Variants in CCDC181 observed in about 807,000 individuals in gnomAD.
The protein encoded by CCDC181 is coiled-coil domain-containing protein 181.
Under a neutral mutation model 58.7 loss-of-function variants are expected in CCDC181, and 35 were observed. That is an observed-to-expected ratio of 0.60 (90% CI 0.46 to 0.79). The LOEUF (loss-of-function observed/expected upper bound fraction) is 0.79. Ranked by LOEUF, CCDC181 falls within the 30% of genes least tolerant of loss-of-function variation. The probability of loss-of-function intolerance (pLI) is 0.00; values close to 1 mark genes in which losing one functional copy is unlikely to be tolerated. For synonymous variants in CCDC181, 183 were observed against 197.5 expected, an observed-to-expected ratio of 0.93 and a Z score of 0.62; for missense variants, 517 against 583.9, an observed-to-expected ratio of 0.89 and a Z score of 1.18.
intron 1 of CCDC181, among the ~76,000 whole-genome samples, chr1:169,425,516 A>T (rs1656677051): frequency 6.6e-6 from 1 of 152,154 alleles, no homozygotes; most frequent in South Asian, 2.1e-4. Context: ...AATAATTTCT[A>T]AATCAGGTTG....
intron 4 of CCDC181, among the ~76,000 whole-genome samples, chr1:169,415,263 T>G (rs1420081656): frequency 6.6e-6 from 1 of 152,256 alleles, no homozygotes; most frequent in African/African-American, 2.4e-5. Flanking sequence ...TGGCCATAGC[T>G]GTGTTTTCCG....
At chr1:169,456,979 T>G (rs1054699692) in intron 2 of CCDC181, among the ~76,000 whole-genome samples, 17 of 152,178 alleles carry the variant, frequency 1.1e-4, no homozygotes, top group Non-Finnish European at 1.9e-4. Context: ...TTTTAAAATC[T>G]GTGACTGTTT....
At chr1:169,440,386 A>T (rs911834836) in intron 2 of CCDC181, among the ~76,000 whole-genome samples, 1 of 152,242 alleles carries the variant, frequency 6.6e-6, no homozygotes, top group Non-Finnish European at 1.5e-5. Context: ...AGCCTGATTT[A>T]TCAAGACAGG....
chr1:169,401,917 A>T (rs551619157), intron 4 of CCDC181, among the ~76,000 whole-genome samples: 13 of 152,348 alleles, frequency 8.5e-5, no homozygotes, highest in South Asian at 6.2e-4. Flanking sequence ...AAAAAAGATT[A>T]GACGAATGGC....
intron 4 of CCDC181, among the ~76,000 whole-genome samples, chr1:169,406,670 C>T (rs970448698): frequency 2.6e-5 from 4 of 151,548 alleles, no homozygotes; most frequent in East Asian, 1.9e-4. Context: ...GAGCATTAAG[C>T]GATATACCTA....
intron 2 of CCDC181, among the ~76,000 whole-genome samples, chr1:169,456,672 C>G (rs1028391710): frequency 6.6e-6 from 1 of 152,124 alleles, no homozygotes; most frequent in Non-Finnish European, 1.5e-5. Context: ...CCCCACACTG[C>G]CTTGGAACTC....
intron 2 of CCDC181, among the ~76,000 whole-genome samples, chr1:169,436,783 A>C (rs1006895492): frequency 6.6e-6 from 1 of 152,206 alleles, no homozygotes; most frequent in Non-Finnish European, 1.5e-5. Context: ...TAGCCTGTTG[A>C]GCTCCTTAAC....
At chr1:169,424,140 A>G (rs1367260389) in intron 2 of CCDC181, among the ~76,000 whole-genome samples, 1 of 151,932 alleles carries the variant, frequency 6.6e-6, no homozygotes, top group Admixed American at 6.6e-5. Context: ...ATACATATAT[A>G]TGTTTTACAG....
At chr1:169,405,431 A>G (rs1418902102) in intron 4 of CCDC181, among the ~76,000 whole-genome samples, 1 of 152,224 alleles carries the variant, frequency 6.6e-6, no homozygotes, top group Non-Finnish European at 1.5e-5. Flanking sequence ...AGTAACCAAA[A>G]CAGCATGGTA....
intron 4 of CCDC181, among the ~76,000 whole-genome samples, chr1:169,415,538 T>C (rs1656177562): frequency 6.6e-6 from 1 of 152,224 alleles, no homozygotes; most frequent in African/African-American, 2.4e-5. Context: ...AAACAGAGGC[T>C]GCATTTTCTA....
chr1:169,419,074 T>C lies in CCDC181; in HGVS notation c.1154A>G (p.Glu385Gly). The change falls in exon 4 of 6, where the codon GAG becomes GGG. Residue 385 changes from glutamate to glycine, a missense_variant. Transcript: ENST00000367806. ...AATTCTCCTCATTTCTAAGACCTGC[T>C]CTCTTTTCTTTTGCAACCACGCTTT... Reference protein sequence around the residue: ...VFKAWLQKKREQVLEMRRIQR... With the variant: ...VFKAWLQKKRGQVLEMRRIQR... 6.2e-7 allele frequency: 1 copy of C among 1,613,814 alleles called. No individual in the cohort carries two copies. The highest frequency in any genetic ancestry group is 1.1e-5 in the South Asian group (1 of 91,082).
intron 2 of CCDC181, among the ~76,000 whole-genome samples, chr1:169,451,476 A>G (rs1657537360): frequency 6.6e-6 from 1 of 152,132 alleles, no homozygotes; most frequent in African/African-American, 2.4e-5. Context: ...AATCACAACT[A>G]CTTTTATGCC....
intron 2 of CCDC181, among the ~76,000 whole-genome samples, chr1:169,424,534 T>G (rs1249436047): frequency 6.6e-6 from 1 of 151,718 alleles, no homozygotes; most frequent in Non-Finnish European, 1.5e-5. Flanking sequence ...ACTATTTATT[T>G]ATATTATTTA....
chr1:169,460,094 A>T (rs1657803378), intron 1 of CCDC181, among the ~76,000 whole-genome samples: 1 of 152,014 alleles, frequency 6.6e-6, no homozygotes, highest in South Asian at 2.1e-4. Flanking sequence ...GGAGGGTAAG[A>T]TTTTCCTTTG....
At chr1:169,418,786 T>C in intron 4 of CCDC181, 1 of 504,194 alleles carries the variant, frequency 2.0e-6, no homozygotes, top group Non-Finnish European at 3.5e-6. Context: ...TAGTTTTCTG[T>C]TTTCTGTTCC....
intron 2 of CCDC181, among the ~76,000 whole-genome samples, chr1:169,440,691 C>T (rs888564315): frequency 5.9e-5 from 9 of 151,784 alleles, no homozygotes; most frequent in East Asian, 1.9e-4. Flanking sequence ...TTGAGGTAGG[C>T]GGATTACTTG....
chr1:169,424,983 T>C (rs1433812099), intron 1 of CCDC181, 33 bp from the exon 2 acceptor site: 1 of 1,043,122 alleles, frequency 9.6e-7, no homozygotes, highest in Non-Finnish European at 1.5e-6. Flanking sequence ...GTATATGTTA[T>C]GCCCACTCTA....
chr1:169,397,536 C>T, intron 4 of CCDC181, 145 bp from the exon 5 acceptor site: 1 of 633,898 alleles, frequency 1.6e-6, no homozygotes, highest in East Asian at 3.1e-5. Flanking sequence ...TCCTAGTATC[C>T]AAACCAAATA....
chr1:169,440,833 C>A lies in CCDC181; in HGVS notation c.-23-15883G>T, dbSNP rs187463028. On this transcript the variant is annotated intron_variant, in intron 2 of 6. Coordinates refer to the CCDC181 transcript ENST00000545005. ...CCTGTAATCCCAGCTACTTGGGAAG[C>A]TGAGGCATGAGAATCACTTGAACCC... Among the ~76,000 whole-genome samples, 6 of 150,094 alleles carry A rather than the reference C, an allele frequency of 4.0e-5. No individual in the cohort carries two copies. The East Asian group carries it at 1.2e-3, about 29-fold the overall frequency.
Sources: allele counts gnomAD v4.1 joint callset (sites outside exome capture counted in the v4.1 genomes callset), GRCh38; gene constraint gnomAD v4.1.1; transcripts MANE v1.5; gene names NCBI Gene and HGNC (gene_info 2026-07-23, HGNC 2026-07-21).